The following MYO5B variants were observed in gnomAD, a reference collection of about 807,000 sequenced individuals.
MYO5B encodes unconventional myosin-Vb.
In MYO5B, 143 loss-of-function variants were observed where a neutral mutation model predicts 229.3. The observed-to-expected ratio is 0.62, with a 90% CI of 0.54 to 0.72. The LOEUF (loss-of-function observed/expected upper bound fraction) is 0.72. MYO5B is among the 30% of genes least tolerant of loss of function. The pLI is 0.00. For synonymous variants in MYO5B, 918 were observed against 885.2 expected (o/e 1.04, Z -0.66); for missense variants, 2,321 against 2,331.0 (o/e 1.00, Z 0.09).
chr18:49,994,745 C>T (rs949863085), intron 5 of MYO5B, among the ~76,000 whole-genome samples: 2 of 152,344 alleles, frequency 1.3e-5, no homozygotes, highest in East Asian at 3.9e-4. Context: ...TCAGTGTAAC[C>T]ACTTTCCTTC....
chr18:49,866,837 T>C (rs2024401981), intron 27 of MYO5B, among the ~76,000 whole-genome samples: 1 of 152,100 alleles, frequency 6.6e-6, no homozygotes, highest in Non-Finnish European at 1.5e-5. Context: ...CCAGAGTGAC[T>C]GGGGAACACA....
intron 22 of MYO5B, among the ~76,000 whole-genome samples, chr18:49,892,132 C>T (rs1050953517): frequency 6.6e-6 from 1 of 152,218 alleles, no homozygotes; most frequent in Non-Finnish European, 1.5e-5. Flanking sequence ...CAAAACAGCA[C>T]AGCTGTACAA....
intron 39 of MYO5B, among the ~76,000 whole-genome samples, chr18:49,831,909 T>G (rs2023927752): frequency 6.6e-6 from 1 of 152,130 alleles, no homozygotes; most frequent in Non-Finnish European, 1.5e-5. Flanking sequence ...TATTAGTCAC[T>G]AAAAAAATGA....
At chr18:49,935,459 G>A (rs1392921483) in intron 16 of MYO5B, among the ~76,000 whole-genome samples, 1 of 152,136 alleles carries the variant, frequency 6.6e-6, no homozygotes, top group Non-Finnish European at 1.5e-5. Flanking sequence ...GGGAGATCAG[G>A]TCTCATGGGT....
intron 4 of MYO5B, among the ~76,000 whole-genome samples, chr18:50,018,804 T>A (rs1989146): frequency 0.04 from 6,074 of 152,278 alleles, 402 homozygotes; most frequent in African/African-American, 0.14. Flanking sequence ...GGCAGCCATT[T>A]CAACTACTAC....
At chr18:50,124,167 T>C (rs2032116725) in intron 1 of MYO5B, among the ~76,000 whole-genome samples, 1 of 152,234 alleles carries the variant, frequency 6.6e-6, no homozygotes, top group East Asian at 1.9e-4. Flanking sequence ...AAATACCAGA[T>C]ACATCCTCCG....
chr18:50,179,433 T>C (rs1021639599), intron 1 of MYO5B, among the ~76,000 whole-genome samples: 26 of 152,204 alleles, frequency 1.7e-4, no homozygotes, highest in African/African-American at 5.5e-4. Context: ...CAAAGCTACC[T>C]GAACCGGGTA....
chr18:49,899,746 A>C (rs1451982265), intron 21 of MYO5B, among the ~76,000 whole-genome samples: 1 of 152,208 alleles, frequency 6.6e-6, no homozygotes, highest in African/African-American at 2.4e-5. Flanking sequence ...ATACGTGAGA[A>C]GAGCACAGCG....
intron 14 of MYO5B, among the ~76,000 whole-genome samples, chr18:49,949,359 C>A (rs1254611027): frequency 6.6e-6 from 1 of 151,720 alleles, no homozygotes; most frequent in East Asian, 1.9e-4. Context: ...AACCTCCATC[C>A]TTTAGTATTT....
chr18:49,852,744 T>G (rs1411602230), intron 31 of MYO5B, among the ~76,000 whole-genome samples: 2 of 152,194 alleles, frequency 1.3e-5, no homozygotes, highest in African/African-American at 4.8e-5. Flanking sequence ...CCAGTCTCCA[T>G]GATTTACATC....
intron 4 of MYO5B, among the ~76,000 whole-genome samples, chr18:50,033,284 CACCT>C (rs1568078823): frequency 6.6e-6 from 1 of 152,158 alleles, no homozygotes; most frequent in Non-Finnish European, 1.5e-5. Context: ...CTACTCCACC[CACCT>C]AGAGGCCCTC....
At chr18:50,024,014 T>C (rs1481342299) in intron 4 of MYO5B, among the ~76,000 whole-genome samples, 1 of 152,022 alleles carries the variant, frequency 6.6e-6, no homozygotes, top group East Asian at 1.9e-4. Flanking sequence ...GGAAGTAAAA[T>C]GGACAAAATT....
At chr18:50,125,628 T>C (rs1327775731) in intron 1 of MYO5B, among the ~76,000 whole-genome samples, 2 of 152,196 alleles carry the variant, frequency 1.3e-5, no homozygotes, top group African/African-American at 4.8e-5. Context: ...ATCTTCAAAA[T>C]GACCCTATGA....
chr18:49,943,592 T>C (rs1042859312), intron 14 of MYO5B, among the ~76,000 whole-genome samples: 3 of 152,186 alleles, frequency 2.0e-5, no homozygotes, highest in Admixed American at 1.3e-4. Context: ...GTCAAGAAAC[T>C]AGATTGACTA....
intron 1 of MYO5B, among the ~76,000 whole-genome samples, chr18:50,192,284 C>G (rs1333525577): frequency 6.6e-6 from 1 of 152,200 alleles, no homozygotes; most frequent in Non-Finnish European, 1.5e-5. Flanking sequence ...GATGGAAATT[C>G]TAAACAAGTG....
rs3744844 is a variant in MYO5B, at chr18:49,936,589, C to A, written c.1906-240G>T. On this transcript the variant is annotated intron_variant, in intron 15 of 39. Transcript: ENST00000285039. ...GAATTACATGGGGGACAGACTACCC[C>A]CTAATGTGCCTAACTCCCAGTGCTG... is the stretch of plus-strand genomic sequence containing the variant. 9.2e-5 allele frequency among the ~76,000 whole-genome samples: 14 copies of A among 152,016 alleles called. No homozygotes were observed. The South Asian group carries it at 2.7e-3, about 29-fold the overall frequency.
intron 2 of MYO5B, among the ~76,000 whole-genome samples, chr18:50,045,082 C>T (rs1163211827): frequency 6.6e-6 from 1 of 152,082 alleles, no homozygotes; most frequent in East Asian, 1.9e-4. Context: ...TGTGCTGTAC[C>T]TGTGAAGATA....
intron 4 of MYO5B, among the ~76,000 whole-genome samples, chr18:50,034,770 A>G (rs958312389): frequency 3.3e-5 from 5 of 152,086 alleles, no homozygotes; most frequent in African/African-American, 1.2e-4. Context: ...AAAACAAAAA[A>G]ACCAAAAAAA....
intron 1 of MYO5B, among the ~76,000 whole-genome samples, chr18:50,166,775 A>C (rs1293449470): frequency 6.6e-6 from 1 of 152,194 alleles, no homozygotes; most frequent in Non-Finnish European, 1.5e-5. Context: ...AATACCACTG[A>C]GAGGAACACA....
Sources: gnomAD v4.1 joint callset for allele counts (sites outside exome capture counted in the v4.1 genomes callset) on GRCh38, gnomAD v4.1.1 for gene constraint, MANE v1.5 for transcripts, NCBI Gene and HGNC (gene_info 2026-07-23, HGNC 2026-07-21) for gene names.